The following CSNK1G1 variants were observed in gnomAD, a reference collection of about 807,000 sequenced individuals.
CSNK1G1 encodes casein kinase I isoform gamma-1.
A neutral mutation model predicts 59.6 loss-of-function variants in CSNK1G1; 22 were observed. The ratio of observed to expected loss-of-function variants is 0.37; its 90% CI spans 0.26 to 0.53. The LOEUF is 0.53. CSNK1G1 is among the 20% of genes least tolerant of loss of function. The probability of loss-of-function intolerance (pLI) is 0.89; values close to 1 mark genes in which losing one functional copy is unlikely to be tolerated. For synonymous variants in CSNK1G1, 179 were observed against 177.1 expected (o/e 1.01, Z -0.08); for missense variants, 384 against 519.5 (o/e 0.74, Z 2.54).
chr15:64,213,146 C>T (rs1007932192), intron 6 of CSNK1G1, among the ~76,000 whole-genome samples: 1 of 151,972 alleles, frequency 6.6e-6, no homozygotes, highest in Non-Finnish European at 1.5e-5. Flanking sequence ...GATTTTCAAA[C>T]ATGTTTTTTT....
intron 2 of CSNK1G1, among the ~76,000 whole-genome samples, chr15:64,281,343 A>G (rs57400098): frequency 6.6e-6 from 1 of 152,190 alleles, no homozygotes; most frequent in Non-Finnish European, 1.5e-5. Context: ...AGCAGCTCAC[A>G]CCTGGAATCC....
At chr15:64,248,296 T>C (rs1304437629) in intron 4 of CSNK1G1, among the ~76,000 whole-genome samples, 1 of 152,254 alleles carries the variant, frequency 6.6e-6, no homozygotes, top group African/African-American at 2.4e-5. Flanking sequence ...TGGTGAAATC[T>C]TGTCTATTTT....
At chr15:64,339,059 A>C (rs1443457605) in intron 1 of CSNK1G1, among the ~76,000 whole-genome samples, 2 of 152,154 alleles carry the variant, frequency 1.3e-5, no homozygotes, top group Non-Finnish European at 2.9e-5. Context: ...GTTAAAGTGC[A>C]GGATTCTGAA....
chr15:64,351,862 C>T (rs969006279), intron 1 of CSNK1G1, among the ~76,000 whole-genome samples: 4 of 152,036 alleles, frequency 2.6e-5, no homozygotes, highest in Non-Finnish European at 4.4e-5. Flanking sequence ...AACAGAAACT[C>T]CGTCTCAAAA....
intron 1 of CSNK1G1, among the ~76,000 whole-genome samples, chr15:64,349,963 G>A (rs1226302827): frequency 6.7e-6 from 1 of 148,786 alleles, no homozygotes; most frequent in Non-Finnish European, 1.5e-5. Context: ...CAAATGAAAA[G>A]TGCCAACTAT....
At chr15:64,249,589 C>T (rs1238096453) in intron 4 of CSNK1G1, among the ~76,000 whole-genome samples, 1 of 152,172 alleles carries the variant, frequency 6.6e-6, no homozygotes, top group Non-Finnish European at 1.5e-5. Flanking sequence ...CAACAGTTGG[C>T]CTAACCAGTA....
chr15:64,192,519 T>A (rs996654751), intron 10 of CSNK1G1, among the ~76,000 whole-genome samples: 14 of 152,172 alleles, frequency 9.2e-5, no homozygotes, highest in Non-Finnish European at 2.1e-4. Flanking sequence ...AACCCCCACC[T>A]ATGCCCTATG....
At chr15:64,194,895 G>A (rs549168760) in intron 10 of CSNK1G1, 27 of 152,076 alleles carry the variant, frequency 1.8e-4, no homozygotes, top group Non-Finnish European at 3.4e-4. Context: ...CTCTTTTACT[G>A]GAGGCATATC....
intron 3 of CSNK1G1, among the ~76,000 whole-genome samples, chr15:64,258,345 T>C (rs553193015): frequency 6.7e-6 from 1 of 149,402 alleles, no homozygotes; most frequent in South Asian, 2.1e-4. Context: ...ATCACATCAC[T>C]GCACTCCAGC....
intron 10 of CSNK1G1, among the ~76,000 whole-genome samples, chr15:64,184,369 G>C (rs758753517): frequency 6.6e-6 from 1 of 151,392 alleles, no homozygotes; most frequent in Admixed American, 6.6e-5. Flanking sequence ...TAAAAAATAA[G>C]CTTCATTATA....
chr15:64,316,562 GA>G (rs1301855289), intron 1 of CSNK1G1, among the ~76,000 whole-genome samples: 3 of 141,494 alleles, frequency 2.1e-5, no homozygotes, highest in Admixed American at 7.0e-5. Context: ...AAAAAGAAAA[GA>G]AAAAAAGTTA....
intron 2 of CSNK1G1, among the ~76,000 whole-genome samples, chr15:64,284,429 T>C (rs1160547760): frequency 6.6e-6 from 1 of 152,152 alleles, no homozygotes; most frequent in African/African-American, 2.4e-5. Context: ...TTAACAATAT[T>C]AAATCTTGAG....
intron 2 of CSNK1G1, among the ~76,000 whole-genome samples, chr15:64,278,448 A>C (rs1893922256): frequency 8.3e-6 from 1 of 120,652 alleles, no homozygotes; most frequent in African/African-American, 3.2e-5. Flanking sequence ...TTTTTTTTGG[A>C]CACAGAGTCT....
At chr15:64,221,594 A>T (rs1161248867) in intron 4 of CSNK1G1, among the ~76,000 whole-genome samples, 3 of 151,654 alleles carry the variant, frequency 2.0e-5, no homozygotes, top group African/African-American at 2.4e-5. Flanking sequence ...AAGGTCCGAG[A>T]TACCAGTGTA....
chr15:64,277,931 TTAA>T (rs1311101505), intron 2 of CSNK1G1, among the ~76,000 whole-genome samples: 3 of 144,648 alleles, frequency 2.1e-5, no homozygotes, highest in South Asian at 2.1e-4. Context: ...ATTGATATAT[TTAA>T]TAATATATTA....
intron 2 of CSNK1G1, among the ~76,000 whole-genome samples, chr15:64,262,088 T>C (rs1002516882): frequency 1.3e-5 from 2 of 152,172 alleles, no homozygotes; most frequent in African/African-American, 4.8e-5. Flanking sequence ...CATTGTGAGG[T>C]AGTACAAGAT....
intron 2 of CSNK1G1, among the ~76,000 whole-genome samples, chr15:64,299,266 A>G (rs1895190760): frequency 6.6e-6 from 1 of 152,012 alleles, no homozygotes; most frequent in Admixed American, 6.6e-5. Context: ...TATTTTCTCT[A>G]TCCCACTCAT....
chr15:64,253,777 T>A (rs1473241443), intron 3 of CSNK1G1, among the ~76,000 whole-genome samples: 4 of 152,206 alleles, frequency 2.6e-5, no homozygotes, highest in Non-Finnish European at 5.9e-5. Context: ...CGGGCAAACC[T>A]TGAGGACATC....
At chr15:64,231,528 G>A (rs1226476138) in intron 4 of CSNK1G1, among the ~76,000 whole-genome samples, 1 of 150,934 alleles carries the variant, frequency 6.6e-6, no homozygotes, top group Non-Finnish European at 1.5e-5. Context: ...GCTTAGAATA[G>A]TACTTAACCC....
Sources: allele counts gnomAD v4.1 joint callset (sites outside exome capture counted in the v4.1 genomes callset), GRCh38; gene constraint gnomAD v4.1.1; transcripts MANE v1.5; gene names NCBI Gene and HGNC (gene_info 2026-07-23, HGNC 2026-07-21).